The following GRIK5 variants were observed in gnomAD, a reference collection of about 807,000 sequenced individuals.
The protein encoded by GRIK5 is glutamate receptor ionotropic, kainate 5.
Under a neutral mutation model 97.4 loss-of-function variants are expected in GRIK5, and 43 were observed. The observed-to-expected ratio is 0.44, with a 90% confidence interval of 0.35 to 0.57. The LOEUF (loss-of-function observed/expected upper bound fraction) is 0.57. Ranked by LOEUF, GRIK5 falls within the 20% of genes least tolerant of loss-of-function variation. The pLI is 0.01. For synonymous variants in GRIK5, 580 were observed against 583.5 expected (o/e 0.99, Z 0.09); for missense variants, 1,015 against 1,382.0 (o/e 0.73, Z 4.21).
Position 42,021,891 on chromosome 19 carries a change from A to G in GRIK5, c.1697+56T>C. The G allele has an allele frequency of 8.4e-7, 1 of 1,191,644 alleles. No individual in the cohort carries two copies. The allele number at this position is 1,191,644 out of a possible 1,614,324, so 73.8% of individuals were successfully genotyped here. On this transcript the variant is annotated intron_variant, in intron 14 of 19. Coordinates refer to ENST00000593562, the MANE Select transcript of GRIK5 (RefSeq NM_002088.5). This position sits in a 1 kb window ranked among gnomAD's most constrained non-coding sequence, Gnocchi z 4.2. Reference sequence around the variant, plus strand: ...GAGAGAAGAGGCAGGTCGGTCCCAGAGGCCTCGGCTCGTGCCTCCTCCAGC... The same window carrying G: ...GAGAGAAGAGGCAGGTCGGTCCCAGGGGCCTCGGCTCGTGCCTCCTCCAGC...
Position 41,999,130 on chromosome 19 carries a change from G to A in GRIK5, c.2684C>T (p.Ala895Val). Reference sequence around the variant, plus strand: ...GTGCGCGCTGCCCGCATCCCCGCCCGCGCCGGCCGAGTAGAGCTTGCCGTT... The same window carrying A: ...GTGCGCGCTGCCCGCATCCCCGCCCACGCCGGCCGAGTAGAGCTTGCCGTT... ...LSNGKLYSAG[A>V]GGDAGSAHGG... The change falls in exon 20 of 20, where the codon GCG becomes GTG. Residue 895 changes from alanine (A) to valine (V), a missense_variant. Physicochemically the swap from Ala to Val is moderately conservative, Grantham distance 64. Coordinates refer to ENST00000593562, the MANE Select transcript of GRIK5 (RefSeq NM_002088.5). This position sits in a 1 kb window ranked among gnomAD's most constrained non-coding sequence, Gnocchi z 5.0. 1 of 1,436,728 alleles carries A rather than the reference G, an allele frequency of 7.0e-7. No homozygotes were observed. Among genetic ancestry groups the A allele is most frequent in the South Asian group, 1.4e-5 (1 of 72,322 alleles). 89.0% of individuals were successfully genotyped at this position (1,436,728 alleles called of 1,614,324 possible). A position where few individuals can be genotyped will look rare whatever the true frequency, so the allele number is the denominator to read the frequency against.
At chr19:42,044,639 A>C (rs1231057965) in intron 11 of GRIK5, among the ~76,000 whole-genome samples, 1 of 152,234 alleles carries the variant, frequency 6.6e-6, no homozygotes, top group Non-Finnish European at 1.5e-5. Flanking sequence ...AAGAGCCAGG[A>C]AAGAGCTTTG....
At chr19:42,049,251 A>G (rs2076082088) in intron 11 of GRIK5, among the ~76,000 whole-genome samples, 1 of 152,166 alleles carries the variant, frequency 6.6e-6, no homozygotes, top group African/African-American at 2.4e-5. Context: ...TTTGGAAGAC[A>G]CTTTTACAAT....
chr19:42,019,961 A>G (rs1366571370), intron 15 of GRIK5, among the ~76,000 whole-genome samples: 1 of 151,476 alleles, frequency 6.6e-6, no homozygotes, highest in African/African-American at 2.4e-5. Context: ...GGAAACAAAC[A>G]GAGCTTTCAT....
chr19:42,014,128 T>G (rs1193203870), intron 15 of GRIK5, among the ~76,000 whole-genome samples: 1 of 151,744 alleles, frequency 6.6e-6, no homozygotes, highest in African/African-American at 2.4e-5. Flanking sequence ...ACACGGTGGC[T>G]CACACCTGTA....
intron 1 of GRIK5, among the ~76,000 whole-genome samples, chr19:42,067,879 G>T (rs1248888008): frequency 6.6e-6 from 1 of 152,166 alleles, no homozygotes; most frequent in African/African-American, 2.4e-5. Context: ...CCCAGAGACT[G>T]GGCAAAGCCA....
At chr19:42,017,396 C>T (rs1003619022) in intron 15 of GRIK5, among the ~76,000 whole-genome samples, 1 of 152,098 alleles carries the variant, frequency 6.6e-6, no homozygotes, top group Non-Finnish European at 1.5e-5. Context: ...GCAATTATGG[C>T]GTTAAATTGA....
chr19:42,067,261 T>TA (rs1198727304), intron 1 of GRIK5, among the ~76,000 whole-genome samples: 1 of 152,182 alleles, frequency 6.6e-6, no homozygotes, highest in East Asian at 1.9e-4. Context: ...GAGGGAAGGA[T>TA]AGAGGCACAA....
Position 42,021,116 on chromosome 19 carries a change from A to G in GRIK5, c.1871+185T>C, listed in dbSNP as rs1360008556. Among the ~76,000 whole-genome samples, 3 of 152,174 alleles carry G rather than the reference A, an allele frequency of 2.0e-5. No individual in the cohort carries two copies. The highest frequency in any genetic ancestry group is 4.4e-5 in the Non-Finnish European group (3 of 68,030). On this transcript the variant is annotated intron_variant, in intron 15 of 19. Transcript: ENST00000593562. This position sits in a 1 kb window ranked among gnomAD's most constrained non-coding sequence, Gnocchi z 4.2. ...CAAAGGGAGGGTTGCGGTCTGGCCA[A>G]GCTCACATAGCCAGTAAGCGGCAGA... is the stretch of plus-strand genomic sequence containing the variant.
intron 15 of GRIK5, among the ~76,000 whole-genome samples, chr19:42,010,378 C>A (rs1368145219): frequency 1.3e-5 from 2 of 152,152 alleles, no homozygotes; most frequent in African/African-American, 2.4e-5. Context: ...ACATTATAAT[C>A]AATTGCTGAA....
At position 42,003,190 on chromosome 19, in the gene GRIK5, A is replaced by G. The variant is rs1253403559; in HGVS notation, c.2514+142T>C. On this transcript the variant is annotated intron_variant, in intron 19 of 19. Coordinates refer to ENST00000593562, the MANE Select transcript of GRIK5 (RefSeq NM_002088.5). This position sits in a 1 kb window ranked among gnomAD's most constrained non-coding sequence, Gnocchi z 4.2. ...ATTCTCTGGCCCCATCAGCTCTCTT[A>G]CTTCCCCACCTCCTGCATTCCTCTG... The G allele has an allele frequency of 2.1e-5, 15 of 722,926 alleles. 1 individual carries two copies. The South Asian group carries it at 2.4e-4, about 11-fold the overall frequency. The allele number at this position is 722,926 out of a possible 1,614,324, so 44.8% of individuals were successfully genotyped here. A position where few individuals can be genotyped will look rare whatever the true frequency, so the allele number is the denominator to read the frequency against.
intron 17 of GRIK5, among the ~76,000 whole-genome samples, chr19:42,004,939 G>A (rs143790715): frequency 3.3e-5 from 5 of 152,178 alleles, no homozygotes; most frequent in Non-Finnish European, 4.4e-5. Context: ...AATCCAGGTC[G>A]GTGTGACTCC....
Position 42,021,858 on chromosome 19 carries a change from A to C in GRIK5, c.1697+89T>G. On this transcript the variant is annotated intron_variant, in intron 14 of 19. Coordinates refer to ENST00000593562, the MANE Select transcript of GRIK5 (RefSeq NM_002088.5). This position sits in a 1 kb window ranked among gnomAD's most constrained non-coding sequence, Gnocchi z 4.2. ...AGGCCCCAAAGGGGAGGCCAAGGAC[A>C]GTTCCGAGAGAGAAGAGGCAGGTCG... 1.3e-6 allele frequency: 1 copy of C among 794,404 alleles called. No individual in the cohort carries two copies. Among genetic ancestry groups the C allele is most frequent in the Non-Finnish European group, 2.1e-6 (1 of 475,716 alleles). The allele number at this position is 794,404 out of a possible 1,614,324, so 49.2% of individuals were successfully genotyped here. A position where few individuals can be genotyped will look rare whatever the true frequency, so the allele number is the denominator to read the frequency against.
Position 42,065,135 on chromosome 19 carries a change from A to G in GRIK5, c.244+88T>C. On this transcript the variant is annotated intron_variant, in intron 3 of 19. Coordinates refer to ENST00000593562, the MANE Select transcript of GRIK5 (RefSeq NM_002088.5). The surrounding 1 kb of genome is among the most constrained non-coding windows in gnomAD (Gnocchi z 5.8). ...GGGAGGATGGAGCTAGAAGAGGACA[A>G]GGCCAGGCCAGAGGCCAGGGGCAGA... is the stretch of plus-strand genomic sequence containing the variant. 2 of 1,166,240 alleles carry G rather than the reference A, an allele frequency of 1.7e-6. No individual in the cohort carries two copies. The highest frequency in any genetic ancestry group is 2.2e-5 in the Admixed American group (1 of 46,420). 72.2% of individuals were successfully genotyped at this position (1,166,240 alleles called of 1,614,324 possible).
chr19:42,056,516 T>C (rs1322966649), intron 8 of GRIK5, 146 bp downstream of exon 8: 2 of 648,992 alleles, frequency 3.1e-6, no homozygotes, highest in African/African-American at 1.8e-5. Flanking sequence ...GAGGAGGACA[T>C]GGGTCCAATG....
intron 12 of GRIK5, among the ~76,000 whole-genome samples, chr19:42,023,613 C>A (rs1333794089): frequency 6.6e-6 from 1 of 152,112 alleles, no homozygotes; most frequent in Non-Finnish European, 1.5e-5. Context: ...AGCCTAAGGG[C>A]CCCCATCCTT....
At position 41,999,205 on chromosome 19, in the gene GRIK5, G is replaced by A. The variant is rs1555870350; in HGVS notation, c.2609C>T (p.Pro870Leu). The change falls in exon 20 of 20, where the codon CCG becomes CTG. Residue 870 changes from proline (P) to leucine (L), a missense_variant. Pro to Leu is a moderately conservative substitution (Grantham distance 98). Around this residue, in one of 5 missense-constraint regions of GRIK5, gnomAD observed 229 missense variants for 341.0 expected, o/e 0.67. Coordinates refer to ENST00000593562, the MANE Select transcript of GRIK5 (RefSeq NM_002088.5). This position sits in a 1 kb window ranked among gnomAD's most constrained non-coding sequence, Gnocchi z 5.0. ...GCGCAGTGACAGCAGGGCCCGGCTC[G>A]GGCCGCCCGGGCGTCGGCGCCGGCG... ...RSRRRRRPGG[P>L]SRALLSLRAV... is the part of the protein sequence containing the mutation. 1.3e-6 allele frequency: 2 copies of A among 1,517,076 alleles called. No individual in the cohort carries two copies. Among genetic ancestry groups the A allele is most frequent in the Non-Finnish European group, 1.8e-6 (2 of 1,139,784 alleles). 94.0% of individuals were successfully genotyped at this position (1,517,076 alleles called of 1,614,324 possible).
chr19:42,054,347 C>A lies in GRIK5; in HGVS notation c.1029G>T (p.Gly343=), dbSNP rs768505975. The A allele has an allele frequency of 8.7e-6, 14 of 1,612,908 alleles. No individual in the cohort carries two copies. The South Asian group carries it at 1.5e-4, about 18-fold the overall frequency. The change falls in exon 9 of 20, where the codon GGG becomes GGT. Residue 343 remains glycine, a synonymous_variant. Coordinates refer to ENST00000593562, the MANE Select transcript of GRIK5 (RefSeq NM_002088.5). ...ACTSANIWPH[G]TSLMNYLRMV... ...TGCGCAGGTAGTTCATGAGGCTGGT[C>A]CCGTGGGGCCAAATGTTGGCCGATG...
At chr19:42,024,214 C>CTT (rs1186656185) in intron 12 of GRIK5, among the ~76,000 whole-genome samples, 9 of 141,140 alleles carry the variant, frequency 6.4e-5, no homozygotes, top group Non-Finnish European at 9.3e-5. Flanking sequence ...CCCATTGGCC[C>CTT]TTTTTTTTTT....
Sources: gnomAD v4.1 joint callset for allele counts (sites outside exome capture counted in the v4.1 genomes callset) on GRCh38, gnomAD v4.1.1 for gene constraint, gnomAD v4.1.1 regional missense constraint, Gnocchi (gnomAD v3.1) non-coding constraint, MANE v1.5 for transcripts, NCBI Gene and HGNC (gene_info 2026-07-23, HGNC 2026-07-21) for gene names.